The following C6 variants were observed in gnomAD, a reference collection of about 807,000 sequenced individuals.
C6 encodes the protein complement C6, also known as complement component C6.
Under a neutral mutation model 112.9 loss-of-function variants are expected in C6, and 101 were observed. The observed-to-expected ratio is 0.89, with a 90% CI of 0.76 to 1.06. C6 has a LOEUF of 1.06. Among genes scored for constraint, C6 ranks in the 50% least tolerant of loss-of-function variants. The probability of loss-of-function intolerance (pLI) is 0.00; values close to 1 mark genes in which losing one functional copy is unlikely to be tolerated. For missense variants in C6, 1,202 were observed against 1,104.6 expected, an observed-to-expected ratio of 1.09 and a Z score of -1.25; for synonymous variants, 431 against 384.1, an observed-to-expected ratio of 1.12 and a Z score of -1.43.
chr5:41,229,356 A>G (rs187634850), intron 1 of C6, among the ~76,000 whole-genome samples: 3 of 149,822 alleles, frequency 2.0e-5, no homozygotes, highest in South Asian at 2.1e-4. Context: ...TGCTGCATCC[A>G]TAAGTTTCAG....
At position 41,142,723 on chromosome 5, in the gene C6, T is replaced by G; in HGVS notation, c.*102A>C. On this transcript the variant is annotated 3_prime_UTR_variant, in exon 18 of 18. Coordinates refer to ENST00000337836, the MANE Select transcript of C6 (RefSeq NM_000065.5). ...AGAAAATAATTTTTGTCAGTAACTTTGAGCATGCCAGTCTGCTGTTTGTGC... is the reference window on the plus strand; with the variant it reads ...AGAAAATAATTTTTGTCAGTAACTTGGAGCATGCCAGTCTGCTGTTTGTGC... 3.3e-6 allele frequency: 3 copies of G among 918,700 alleles called. No homozygotes were observed. Among genetic ancestry groups the G allele is most frequent in the Non-Finnish European group, 5.4e-6 (3 of 551,850 alleles). 56.9% of individuals were successfully genotyped at this position (918,700 alleles called of 1,614,324 possible). A position where few individuals can be genotyped will look rare whatever the true frequency, so the allele number is the denominator to read the frequency against.
In C6 at chr5:41,190,071, T is replaced by C. The variant is rs1750079622; in HGVS notation, c.588-3863A>G. On this transcript the variant is annotated intron_variant, in intron 5 of 17. Transcript: ENST00000337836. The stretch of plus-strand genomic sequence containing the variant: ...TTGTGAACAGTGCTGCAAATAAACT[T>C]AGGGATGCAGATATCTGTTCAGTAT... Among the ~76,000 whole-genome samples the C allele has an allele frequency of 2.0e-5, 3 of 152,182 alleles. No individual in the cohort carries two copies. The South Asian group carries it at 6.2e-4, about 31-fold the overall frequency.
intron 1 of C6, among the ~76,000 whole-genome samples, chr5:41,236,472 G>C (rs1381458337): frequency 6.7e-6 from 1 of 149,720 alleles, no homozygotes; most frequent in Non-Finnish European, 1.5e-5. Context: ...GCTCCTGAAT[G>C]ACTACTGGGT....
chr5:41,202,532 T>C (rs1751105996), intron 2 of C6, among the ~76,000 whole-genome samples: 1 of 152,196 alleles, frequency 6.6e-6, no homozygotes, highest in Non-Finnish European at 1.5e-5. Flanking sequence ...AATATATGCT[T>C]TTCTCCCCTA....
intron 1 of C6, among the ~76,000 whole-genome samples, chr5:41,219,703 G>C (rs143958756): frequency 6.6e-6 from 1 of 152,150 alleles, no homozygotes; most frequent in African/African-American, 2.4e-5. Flanking sequence ...AGAAAGACAT[G>C]CTGTGTTGTC....
chr5:41,152,924 A>G (rs1028168931), intron 15 of C6: 5 of 152,306 alleles, frequency 3.3e-5, no homozygotes, highest in Non-Finnish European at 7.3e-5. Context: ...AGGTTGAAGC[A>G]GTGCTGGGAC....
chr5:41,199,652 G>A (rs1750858498), intron 4 of C6, 116 bp downstream of exon 4: 1 of 1,038,944 alleles, frequency 9.6e-7, no homozygotes, highest in Non-Finnish European at 1.5e-6. Context: ...ATTCCACTCT[G>A]CTTAAAATGT....
intron 6 of C6, among the ~76,000 whole-genome samples, chr5:41,182,092 C>T (rs928798452): frequency 1.3e-5 from 2 of 152,134 alleles, no homozygotes; most frequent in Non-Finnish European, 2.9e-5. Context: ...CAGTGCTGAT[C>T]AACTCTTGAT....
chr5:41,159,276 C>T lies in C6; in HGVS notation c.1685-23G>A, dbSNP rs781283242. The T allele has an allele frequency of 3.1e-6, 5 of 1,610,610 alleles. 1 individual carries two copies. The highest frequency in any genetic ancestry group is 2.2e-5 in the South Asian group (2 of 90,774). On this transcript the variant is annotated intron_variant, in intron 11 of 17. Transcript: ENST00000337836. ...CATCTGGAACAAAGGAAGACTCACT[C>T]CCATGGATCATGGTGCAGCTGAATT...
intron 5 of C6, among the ~76,000 whole-genome samples, chr5:41,192,927 G>T (rs1750329884): frequency 6.6e-6 from 1 of 151,944 alleles, no homozygotes; most frequent in Admixed American, 6.6e-5. Flanking sequence ...TTTTACTTTG[G>T]GTATGTTGAA....
chr5:41,247,675 G>A (rs1164393259), intron 1 of C6, among the ~76,000 whole-genome samples: 7 of 148,122 alleles, frequency 4.7e-5, no homozygotes, highest in Non-Finnish European at 7.4e-5. Context: ...CCGAGATCGC[G>A]CCACTGCACT....
At chr5:41,143,062 T>A in intron 17 of C6, 56 bp from the exon 18 acceptor site, 1 of 1,530,670 alleles carries the variant, frequency 6.5e-7, no homozygotes, top group Non-Finnish European at 9.0e-7. Context: ...AGGGTTTGGC[T>A]TTATCTAAAT....
chr5:41,155,452 C>T (rs1380001768), intron 13 of C6, among the ~76,000 whole-genome samples: 1 of 152,188 alleles, frequency 6.6e-6, no homozygotes, highest in Admixed American at 6.5e-5. Flanking sequence ...CTTTGAGAGG[C>T]TGAGGCACAT....
chr5:41,170,669 C>T (rs1405405515), intron 9 of C6, among the ~76,000 whole-genome samples: 1 of 151,956 alleles, frequency 6.6e-6, no homozygotes, highest in Admixed American at 6.6e-5. Flanking sequence ...AGACCATCTA[C>T]CTGTTCTGAT....
rs183668942 is a variant in C6 at position 41,178,766 on chromosome 5, G to A, written c.928-2051C>T. The stretch of plus-strand genomic sequence containing the variant: ...TCTGGGATTATAGGCATGAGCCACC[G>A]CGCCCAGCCTCATTTCCTTAGACTG... On this transcript the variant is annotated intron_variant, in intron 7 of 17. Coordinates refer to ENST00000337836, the MANE Select transcript of C6 (RefSeq NM_000065.5). Among the ~76,000 whole-genome samples, 581 of 152,116 alleles carry A rather than the reference G, an allele frequency of 3.8e-3. 6 individuals are homozygous for A. The highest frequency in any genetic ancestry group is 0.013 in the African/African-American group (552 of 41,502).
chr5:41,239,138 T>C (rs1384680691), intron 1 of C6, among the ~76,000 whole-genome samples: 1 of 135,946 alleles, frequency 7.4e-6, no homozygotes, highest in Non-Finnish European at 1.6e-5. Context: ...TTGAGACGGA[T>C]TCTTGCTCTG....
chr5:41,227,562 T>C (rs764290059), intron 1 of C6, among the ~76,000 whole-genome samples: 2 of 152,130 alleles, frequency 1.3e-5, no homozygotes, highest in Non-Finnish European at 2.9e-5. Context: ...CCCCATGATT[T>C]CTTCCGGTAG....
chr5:41,235,005 G>T (rs1740168774), intron 1 of C6, among the ~76,000 whole-genome samples: 1 of 150,374 alleles, frequency 6.7e-6, no homozygotes, highest in Non-Finnish European at 1.5e-5. Flanking sequence ...AAGCAAGTTA[G>T]CAGCCAAAAA....
At chr5:41,185,605 A>C (rs920204319) in intron 6 of C6, among the ~76,000 whole-genome samples, 1 of 152,200 alleles carries the variant, frequency 6.6e-6, no homozygotes, top group Non-Finnish European at 1.5e-5. Flanking sequence ...AATAGGAAGA[A>C]AAGTAAGCAG....
Sources: gnomAD v4.1 joint callset for allele counts (sites outside exome capture counted in the v4.1 genomes callset) on GRCh38, gnomAD v4.1.1 for gene constraint, MANE v1.5 for transcripts, NCBI Gene and HGNC (gene_info 2026-07-23, HGNC 2026-07-21) for gene names.